The following DGKB variants were observed in gnomAD, a reference collection of about 807,000 sequenced individuals.
The protein encoded by DGKB is 90 kDa diacylglycerol kinase.
DGKB carries 67 observed loss-of-function variants against 114.3 expected under a neutral mutation model. The observed-to-expected ratio is 0.59, with a 90% CI of 0.48 to 0.72. DGKB has a LOEUF of 0.72. Among genes scored for constraint, DGKB ranks in the 30% least tolerant of loss-of-function variants. DGKB has a pLI of 0.00. For synonymous variants in DGKB, 398 were observed against 323.1 expected, an observed-to-expected ratio of 1.23 and a Z score of -2.49; for missense variants, 907 against 975.2, an observed-to-expected ratio of 0.93 and a Z score of 0.93.
chr7:14,457,295 A>T (rs1466590294), intron 21 of DGKB, among the ~76,000 whole-genome samples: 1 of 152,170 alleles, frequency 6.6e-6, no homozygotes, highest in East Asian at 1.9e-4. Flanking sequence ...ATTTCTGTAC[A>T]ATAAAGAGCT....
chr7:14,763,228 T>C (rs946415807), intron 2 of DGKB, among the ~76,000 whole-genome samples: 2 of 152,046 alleles, frequency 1.3e-5, no homozygotes, highest in African/African-American at 2.4e-5. Context: ...GGTTTATCTG[T>C]CAACTTATCC....
At chr7:14,298,624 A>C (rs1160613167) in intron 23 of DGKB, among the ~76,000 whole-genome samples, 1 of 152,208 alleles carries the variant, frequency 6.6e-6, no homozygotes, top group Non-Finnish European at 1.5e-5. Context: ...CTCAGGGCAT[A>C]GGCATGGGCA....
At chr7:14,276,867 A>G (rs1799085538) in intron 23 of DGKB, among the ~76,000 whole-genome samples, 3 of 151,888 alleles carry the variant, frequency 2.0e-5, no homozygotes. Context: ...ATCTTTTAAT[A>G]TTCTTTTTAA....
chr7:14,766,025 T>C (rs527897932), intron 2 of DGKB, among the ~76,000 whole-genome samples: 64 of 152,050 alleles, frequency 4.2e-4, no homozygotes, highest in African/African-American at 1.5e-3. Context: ...CAATAATTAA[T>C]GAATCAATCT....
intron 13 of DGKB, among the ~76,000 whole-genome samples, chr7:14,662,717 A>C (rs1817368494): frequency 1.3e-5 from 2 of 151,956 alleles, no homozygotes; most frequent in Non-Finnish European, 2.9e-5. Flanking sequence ...ATATAATGCC[A>C]CATGGTATAT....
intron 23 of DGKB, among the ~76,000 whole-genome samples, chr7:14,326,576 T>C (rs1808780789): frequency 6.6e-6 from 1 of 152,108 alleles, no homozygotes; most frequent in Non-Finnish European, 1.5e-5. Flanking sequence ...AGAGATAATA[T>C]GTAGTGGAAG....
intron 1 of DGKB, among the ~76,000 whole-genome samples, chr7:14,910,937 C>T (rs1449903719): frequency 6.6e-6 from 1 of 152,048 alleles, no homozygotes; most frequent in African/African-American, 2.4e-5. Flanking sequence ...CCTAATTAAA[C>T]TCCAAATTCA....
At chr7:14,850,755 A>G (rs1383325455) in intron 1 of DGKB, among the ~76,000 whole-genome samples, 2 of 152,228 alleles carry the variant, frequency 1.3e-5, no homozygotes, top group Non-Finnish European at 2.9e-5. Context: ...AGCCAATTGC[A>G]TATTACTATT....
chr7:14,739,945 G>C (rs1333900213), intron 4 of DGKB, among the ~76,000 whole-genome samples: 1 of 152,162 alleles, frequency 6.6e-6, no homozygotes, highest in East Asian at 1.9e-4. Flanking sequence ...CCACGTTCCC[G>C]CCGTGCTGGG....
At chr7:14,393,533 C>G (rs962488374) in intron 21 of DGKB, among the ~76,000 whole-genome samples, 1 of 152,080 alleles carries the variant, frequency 6.6e-6, no homozygotes, top group African/African-American at 2.4e-5. Context: ...AATTTTGCAT[C>G]TTGGACTGCA....
intron 20 of DGKB, among the ~76,000 whole-genome samples, chr7:14,554,568 T>G (rs1208525269): frequency 2.0e-5 from 3 of 152,164 alleles, no homozygotes; most frequent in Admixed American, 2.0e-4. Context: ...ATTTTTAAAT[T>G]TTAATAGATA....
intron 1 of DGKB, among the ~76,000 whole-genome samples, chr7:14,856,118 G>C (rs1375514017): frequency 6.6e-6 from 1 of 151,898 alleles, no homozygotes; most frequent in Non-Finnish European, 1.5e-5. Context: ...CTAAAAGTCA[G>C]ATATAAGTCT....
chr7:14,651,113 T>C lies in DGKB; in HGVS notation c.1135-20845A>G, dbSNP rs1019430366. On this transcript the variant is annotated intron_variant, in intron 13 of 25. Transcript: ENST00000402815. ...TTCCTTCTGAAACTATTCCAATCAA[T>C]AGAAAAAGAGGGAATCCTCCCTAAC... 2.4e-3 allele frequency among the ~76,000 whole-genome samples: 367 copies of C among 151,960 alleles called. 1 individual carries two copies. The highest frequency in any genetic ancestry group is 6.8e-3 in the Middle Eastern group (2 of 292).
At chr7:14,362,593 T>C (rs1229671247) in intron 21 of DGKB, among the ~76,000 whole-genome samples, 2 of 151,972 alleles carry the variant, frequency 1.3e-5, no homozygotes, top group Non-Finnish European at 2.9e-5. Flanking sequence ...TAACTTAGAA[T>C]TAATATACCA....
intron 23 of DGKB, among the ~76,000 whole-genome samples, chr7:14,188,123 G>C (rs147733992): frequency 2.0e-5 from 3 of 152,218 alleles, no homozygotes; most frequent in African/African-American, 7.2e-5. Context: ...TTATGAACTT[G>C]AAGACAGATC....
intron 12 of DGKB, among the ~76,000 whole-genome samples, chr7:14,676,635 T>C (rs1342933550): frequency 1.3e-5 from 2 of 152,096 alleles, no homozygotes; most frequent in Non-Finnish European, 2.9e-5. Flanking sequence ...AAACTTATCA[T>C]CATATTTCGT....
chr7:14,243,851 T>A (rs1055097895), intron 23 of DGKB, among the ~76,000 whole-genome samples: 2 of 152,296 alleles, frequency 1.3e-5, no homozygotes, highest in Middle Eastern at 3.4e-3. Context: ...TTGTCGTAAC[T>A]TGAAACTAAA....
At chr7:14,919,655 G>T (rs1284812694) in intron 1 of DGKB, among the ~76,000 whole-genome samples, 1 of 152,158 alleles carries the variant, frequency 6.6e-6, no homozygotes, top group Non-Finnish European at 1.5e-5. Context: ...TCTCTAAAAT[G>T]AAATATTATT....
chr7:14,446,834 C>A (rs1830784749), intron 21 of DGKB, among the ~76,000 whole-genome samples: 1 of 152,070 alleles, frequency 6.6e-6, no homozygotes, highest in South Asian at 2.1e-4. Flanking sequence ...CAGTTAGAGG[C>A]TGGCTAGGCA....
Sources: gnomAD v4.1 joint callset for allele counts (sites outside exome capture counted in the v4.1 genomes callset) on GRCh38, gnomAD v4.1.1 for gene constraint, MANE v1.5 for transcripts, NCBI Gene and HGNC (gene_info 2026-07-23, HGNC 2026-07-21) for gene names.